C5: variants seen among roughly 807,000 people sequenced by gnomAD.
C5 encodes the protein C3 and PZP-like alpha-2-macroglobulin domain-containing protein 4.
C5 carries 140 observed loss-of-function variants against 218.8 expected under a neutral mutation model. The observed-to-expected ratio is 0.64, with a 90% confidence interval of 0.56 to 0.74. The LOEUF is 0.74. Among genes scored for constraint, C5 ranks in the 30% least tolerant of loss-of-function variants. The probability of loss-of-function intolerance (pLI) is 0.00; values close to 1 mark genes in which losing one functional copy is unlikely to be tolerated. For synonymous variants in C5, 614 were observed against 682.3 expected (o/e 0.90, Z 1.56); for missense variants, 1,700 against 1,969.6 (o/e 0.86, Z 2.59).
At chr9:121,010,221 C>T (rs1451859420) in intron 17 of C5, among the ~76,000 whole-genome samples, 2 of 152,186 alleles carry the variant, frequency 1.3e-5, no homozygotes, top group African/African-American at 4.8e-5. Context: ...GATATGATCA[C>T]ATATTTGGAA....
chr9:121,072,339 C>T, the C5 span, among the ~76,000 whole-genome samples: 1 of 152,112 alleles, frequency 6.6e-6, no homozygotes, highest in African/African-American at 2.4e-5. Flanking sequence ...ATGGATCCCA[C>T]GTGAATACCA....
At chr9:120,966,963 G>A (rs947515000) in intron 33 of C5, among the ~76,000 whole-genome samples, 1 of 152,066 alleles carries the variant, frequency 6.6e-6, no homozygotes, top group Admixed American at 6.5e-5. Flanking sequence ...TACACTGATT[G>A]AAAGAGGTGG....
the C5 span, among the ~76,000 whole-genome samples, chr9:121,072,767 C>G: frequency 6.9e-6 from 1 of 143,920 alleles, no homozygotes; most frequent in East Asian, 2.0e-4. Flanking sequence ...GATCCTGCCA[C>G]TGCACTCCAG....
chr9:121,071,133 G>C, the C5 span, among the ~76,000 whole-genome samples: 1 of 151,800 alleles, frequency 6.6e-6, no homozygotes, highest in African/African-American at 2.4e-5. Context: ...ACATGGTGAA[G>C]CACTGTCTGT....
At chr9:121,016,227 C>T (rs1440598299) in intron 15 of C5, 27 bp downstream of exon 15, 2 of 1,613,394 alleles carry the variant, frequency 1.2e-6, no homozygotes, top group African/African-American at 1.3e-5. Context: ...ATGGGATTTT[C>T]AGTAATAAAC....
the C5 span, among the ~76,000 whole-genome samples, chr9:121,074,500 T>C: frequency 1.3e-5 from 2 of 152,166 alleles, no homozygotes; most frequent in Admixed American, 6.5e-5. Context: ...TGGAGGGAAT[T>C]CGCTTTAGAT....
chr9:121,043,646 C>T (rs999676242), intron 2 of C5, among the ~76,000 whole-genome samples: 28 of 152,026 alleles, frequency 1.8e-4, no homozygotes, highest in African/African-American at 6.5e-4. Flanking sequence ...GATTCTCCTG[C>T]CTCAGCCTCC....
chr9:121,046,328 T>C lies in C5; in HGVS notation c.121A>G (p.Ile41Val), dbSNP rs2047627351. The change falls in exon 2 of 41, where the codon ATT becomes GTT. Residue 41 changes from isoleucine (I) to valine (V), a missense_variant. Transcript: ENST00000223642. The stretch of plus-strand genomic sequence containing the variant: ...GCTTCAGTGTATCCATAAACTTGAA[T>C]CACAATATTTTCAGATGCTCCAACA... ...FRVGASENIV[I>V]QVYGYTEAFD... 3.1e-6 allele frequency: 5 copies of C among 1,612,410 alleles called. No individual in the cohort carries two copies. Among genetic ancestry groups the C allele is most frequent in the Non-Finnish European group, 4.2e-6 (5 of 1,178,814 alleles).
At chr9:121,065,387 C>T in the C5 span, among the ~76,000 whole-genome samples, 1 of 152,164 alleles carries the variant, frequency 6.6e-6, no homozygotes, top group African/African-American at 2.4e-5. Flanking sequence ...ATGACAATAT[C>T]TTGGAAAGCA....
chr9:121,046,518 T>G, intron 1 of C5, 135 bp from the exon 2 acceptor site: 1 of 666,610 alleles, frequency 1.5e-6, no homozygotes, highest in Non-Finnish European at 2.7e-6. Context: ...TACTAATAAG[T>G]CAAAATGTAC....
intron 21 of C5, among the ~76,000 whole-genome samples, chr9:120,997,343 G>A (rs2047124899): frequency 6.6e-6 from 1 of 151,920 alleles, no homozygotes. Flanking sequence ...AACAAATATT[G>A]TTTTATTAAA....
the C5 span, among the ~76,000 whole-genome samples, chr9:121,058,371 C>G: frequency 3.9e-5 from 6 of 152,094 alleles, no homozygotes; most frequent in Admixed American, 1.3e-4. Flanking sequence ...AGGAAAGATA[C>G]GAAACCATGC....
chr9:120,971,908 T>A lies in C5; in HGVS notation c.4080+22A>T, dbSNP rs765515231. On this transcript the variant is annotated intron_variant, in intron 31 of 40. Coordinates refer to ENST00000223642, the MANE Select transcript of C5 (RefSeq NM_001735.3). ...TACAAATGGACACATAACTCGTTATTGGATATCAATTAAATACTTACATGT... is the reference window on the plus strand; with the variant it reads ...TACAAATGGACACATAACTCGTTATAGGATATCAATTAAATACTTACATGT... The A allele has an allele frequency of 3.3e-5, 52 of 1,567,958 alleles. No individual in the cohort carries two copies. In the Middle Eastern group the frequency reaches 5.0e-4, roughly 15 times the overall value.
chr9:120,983,910 T>G (rs1213354081), intron 25 of C5, among the ~76,000 whole-genome samples: 1 of 152,202 alleles, frequency 6.6e-6, no homozygotes, highest in Non-Finnish European at 1.5e-5. Context: ...TTCTTGTGCT[T>G]TCTTCCAAAT....
chr9:121,027,452 G>T (rs1281820400), intron 7 of C5, among the ~76,000 whole-genome samples, 178 bp from the exon 8 acceptor site: 4 of 152,082 alleles, frequency 2.6e-5, no homozygotes, highest in Non-Finnish European at 4.4e-5. Flanking sequence ...TATACTACAA[G>T]GCTACAGTAA....
At chr9:121,074,851 T>A in the C5 span, 3 of 456,132 alleles carry the variant, frequency 6.6e-6, no homozygotes, top group Non-Finnish European at 1.3e-5. Context: ...GCGCGCTGGC[T>A]GCAAAAGAGG....
At chr9:120,953,960 T>A in intron 39 of C5, 92 bp from the exon 40 acceptor site, 4 of 1,368,958 alleles carry the variant, frequency 2.9e-6, no homozygotes, top group Non-Finnish European at 4.2e-6. Flanking sequence ...TCGTGGCTAT[T>A]GAGAGGTTCA....
chr9:120,967,459 A>G (rs916083709), intron 33 of C5, among the ~76,000 whole-genome samples: 2 of 152,168 alleles, frequency 1.3e-5, no homozygotes, highest in East Asian at 1.9e-4. Flanking sequence ...TCTTTTGCAC[A>G]ACACTATTGA....
chr9:121,069,572 G>A, the C5 span, among the ~76,000 whole-genome samples: 1 of 151,104 alleles, frequency 6.6e-6, no homozygotes, highest in Admixed American at 6.6e-5. Context: ...GCATTGCAGT[G>A]GCATGATGAT....
Sources: allele counts gnomAD v4.1 joint callset (sites outside exome capture counted in the v4.1 genomes callset), GRCh38; gene constraint gnomAD v4.1.1; transcripts MANE v1.5; gene names NCBI Gene and HGNC (gene_info 2026-07-23, HGNC 2026-07-21).